OGDH: variants seen among roughly 807,000 people sequenced by gnomAD.
OGDH encodes 2-oxoglutarate dehydrogenase complex component E1.
In OGDH, 38 loss-of-function variants were observed where a neutral mutation model predicts 116.6. The ratio of observed to expected loss-of-function variants is 0.33; its 90% confidence interval spans 0.25 to 0.43. The LOEUF (loss-of-function observed/expected upper bound fraction) is 0.43. OGDH is among the 20% of genes least tolerant of loss of function. OGDH has a pLI of 1.00. For missense variants in OGDH, 825 were observed against 1,357.2 expected, an observed-to-expected ratio of 0.61 and a Z score of 6.16; for synonymous variants, 488 against 533.3, an observed-to-expected ratio of 0.92 and a Z score of 1.17.
chr7:44,682,505 C>G (rs1404106024), intron 10 of OGDH, among the ~76,000 whole-genome samples: 1 of 151,702 alleles, frequency 6.6e-6, no homozygotes, highest in Non-Finnish European at 1.5e-5. Context: ...CGAGACCAGC[C>G]TGGCCAACAT....
chr7:44,653,885 C>T (rs904432381), intron 4 of OGDH, among the ~76,000 whole-genome samples: 3 of 151,206 alleles, frequency 2.0e-5, no homozygotes, highest in Non-Finnish European at 4.4e-5. Context: ...GACGGAGTCT[C>T]GCTCTGTTGC....
intron 4 of OGDH, among the ~76,000 whole-genome samples, chr7:44,662,954 T>A (rs1787013985): frequency 6.6e-6 from 1 of 152,248 alleles, no homozygotes; most frequent in Admixed American, 6.5e-5. Flanking sequence ...TTCACTCAGC[T>A]TCTTGAATCT....
intron 2 of OGDH, among the ~76,000 whole-genome samples, chr7:44,633,710 G>T (rs1180909606): frequency 6.6e-6 from 1 of 152,182 alleles, no homozygotes; most frequent in Non-Finnish European, 1.5e-5. Context: ...CAGATGCTTT[G>T]TGTAGCTGGG....
rs146525469 is a variant in OGDH at position 44,631,146 on chromosome 7, C to G, written c.222+6581C>G. Reference sequence around the variant, plus strand: ...AAAAAGTGTACATGTTCAGTACAGGCAGTTTTTTACCAACTATTTTCAATC... The same window carrying G: ...AAAAAGTGTACATGTTCAGTACAGGGAGTTTTTTACCAACTATTTTCAATC... On this transcript the variant is annotated intron_variant, in intron 2 of 22. Transcript: ENST00000222673. Among the ~76,000 whole-genome samples, 665 of 152,276 alleles carry G rather than the reference C, an allele frequency of 4.4e-3. 4 individuals carry two copies. Among genetic ancestry groups the G allele is most frequent in the African/African-American group, 0.014 (582 of 41,536 alleles).
chr7:44,642,373 A>G (rs1785981576), intron 2 of OGDH, among the ~76,000 whole-genome samples: 1 of 152,134 alleles, frequency 6.6e-6, no homozygotes, highest in South Asian at 2.1e-4. Context: ...ACATTGAGCC[A>G]AGATCGTGCC....
chr7:44,637,800 T>C (rs1246088854), intron 2 of OGDH, among the ~76,000 whole-genome samples: 2 of 150,408 alleles, frequency 1.3e-5, no homozygotes, highest in African/African-American at 2.5e-5. Context: ...GCCCGGGCGA[T>C]AGAGCCAGAC....
chr7:44,697,577 G>GT lies in OGDH; in HGVS notation c.2180-23dup, dbSNP rs761693094. 7 of 1,613,970 alleles carry GT rather than the reference G, an allele frequency of 4.3e-6. No individual in the cohort carries two copies. The South Asian group carries it at 7.7e-5, about 18-fold the overall frequency. ...CCTACTGGCTGGTGTCCTGGACATG[G>GT]TTTTCTCCTTCCTTTGTCCCTTGTA... is the stretch of plus-strand genomic sequence containing the variant. On this transcript the variant is annotated intron_variant, in intron 16 of 22. Coordinates refer to ENST00000222673, the MANE Select transcript of OGDH (RefSeq NM_002541.4). This position sits in a 1 kb window ranked among gnomAD's most constrained non-coding sequence, Gnocchi z 6.0.
At chr7:44,640,040 C>T (rs1447814920) in intron 2 of OGDH, among the ~76,000 whole-genome samples, 1 of 152,216 alleles carries the variant, frequency 6.6e-6, no homozygotes, top group East Asian at 1.9e-4. Context: ...TCATGATCGC[C>T]CTGTCTCCAG....
At chr7:44,668,432 T>C (rs573584818) in intron 5 of OGDH, among the ~76,000 whole-genome samples, 3 of 149,982 alleles carry the variant, frequency 2.0e-5, no homozygotes, top group Non-Finnish European at 4.4e-5. Context: ...CAAGACTCCA[T>C]CTCAAAAACA....
Position 44,697,600 on chromosome 7 carries a change from G to T in OGDH, c.2180-4G>T, listed in dbSNP as rs1237283487. The T allele has an allele frequency of 3.1e-6, 5 of 1,614,096 alleles. No homozygotes were observed. Among genetic ancestry groups the T allele is most frequent in the Non-Finnish European group, 3.4e-6 (4 of 1,180,048 alleles). On this transcript the variant is annotated splice_region_variant and splice_polypyrimidine_tract_variant and intron_variant, in intron 16 of 22. Transcript: ENST00000222673. The surrounding 1 kb of genome is among the most constrained non-coding windows in gnomAD (Gnocchi z 6.0). ...TGGTTTTCTCCTTCCTTTGTCCCTT[G>T]TAGGCTTTGAGCTGGGCTTCGCCAT...
intron 1 of OGDH, among the ~76,000 whole-genome samples, chr7:44,618,591 T>C (rs1000364177): frequency 6.6e-6 from 1 of 152,208 alleles, no homozygotes; most frequent in Non-Finnish European, 1.5e-5. Flanking sequence ...GTATTTCTCC[T>C]TGGTTCCTGA....
At position 44,693,960 on chromosome 7, in the gene OGDH, G is replaced by T; in HGVS notation, c.1471G>T (p.Ala491Ser). The T allele has an allele frequency of 6.2e-7, 1 of 1,614,006 alleles. No homozygotes were observed. Among genetic ancestry groups the T allele is most frequent in the Admixed American group, 1.7e-5 (1 of 60,012 alleles). The part of the protein sequence containing the change: ...EAVMYVCKVA[A>S]EWRSTFHKDV... ...TGTCATGTACGTGTGCAAAGTGGCG[G>T]CCGAGTGGAGGAGCACCTTCCACAA... is the stretch of plus-strand genomic sequence containing the variant. Residue 491 changes from alanine (A) to serine (S), a missense_variant, in exon 11 of 23, where the codon GCC (alanine) becomes TCC (serine). Physicochemically the swap from Ala to Ser is moderately conservative, Grantham distance 99. Coordinates refer to ENST00000222673, the MANE Select transcript of OGDH (RefSeq NM_002541.4).
chr7:44,627,500 T>A (rs1228222564), intron 2 of OGDH, among the ~76,000 whole-genome samples: 1 of 152,196 alleles, frequency 6.6e-6, no homozygotes, highest in African/African-American at 2.4e-5. Flanking sequence ...AGATAGATCA[T>A]CTATCTCATC....
chr7:44,675,282 A>C lies in OGDH; in HGVS notation c.1026+14A>C. 1 of 1,605,858 alleles carries C rather than the reference A, an allele frequency of 6.2e-7. No individual in the cohort carries two copies. The highest frequency in any genetic ancestry group is 1.1e-5 in the South Asian group (1 of 90,766). ...GCAGCTGATGAGGTGAGGCACCTGC[A>C]TAGAGACACATCCAGCATAGCCCCA... On this transcript the variant is annotated intron_variant, in intron 8 of 22. Transcript: ENST00000222673.
intron 1 of OGDH, among the ~76,000 whole-genome samples, chr7:44,617,315 G>A (rs532251193): frequency 6.6e-6 from 1 of 152,024 alleles, no homozygotes; most frequent in African/African-American, 2.4e-5. Flanking sequence ...ATTATGAGGG[G>A]GTTAGGAGTA....
At chr7:44,627,470 T>C (rs1012815283) in intron 2 of OGDH, among the ~76,000 whole-genome samples, 1 of 152,212 alleles carries the variant, frequency 6.6e-6, no homozygotes, top group Non-Finnish European at 1.5e-5. Context: ...GATAATAAAA[T>C]TAGAAGTGCT....
chr7:44,659,016 T>C (rs1786816903), intron 4 of OGDH, among the ~76,000 whole-genome samples: 1 of 152,000 alleles, frequency 6.6e-6, no homozygotes, highest in African/African-American at 2.4e-5. Context: ...TTTCTACTTT[T>C]AGTAGAGGTG....
chr7:44,699,924 GAAC>G (rs1788754170), intron 18 of OGDH, among the ~76,000 whole-genome samples: 2 of 152,160 alleles, frequency 1.3e-5, no homozygotes, highest in Admixed American at 6.5e-5. Flanking sequence ...GATCTCGTGT[GAAC>G]TCAGAGTGAG....
intron 2 of OGDH, among the ~76,000 whole-genome samples, chr7:44,639,030 A>T (rs988561439): frequency 1.3e-5 from 2 of 152,178 alleles, no homozygotes; most frequent in Admixed American, 6.5e-5. Flanking sequence ...CTAAGCGACC[A>T]TGTGAAGGGA....
Sources: gnomAD v4.1 joint callset for allele counts (sites outside exome capture counted in the v4.1 genomes callset) on GRCh38, gnomAD v4.1.1 for gene constraint, Gnocchi (gnomAD v3.1) non-coding constraint, MANE v1.5 for transcripts, NCBI Gene and HGNC (gene_info 2026-07-23, HGNC 2026-07-21) for gene names.